Variants in PDHX observed in about 807,000 individuals in gnomAD.
PDHX encodes the protein pyruvate dehydrogenase protein X component, mitochondrial.
A neutral mutation model predicts 55.3 loss-of-function variants in PDHX; 33 were observed. The ratio of observed to expected loss-of-function variants is 0.60; its 90% CI spans 0.45 to 0.80. The LOEUF (loss-of-function observed/expected upper bound fraction) is 0.80. Among genes scored for constraint, PDHX ranks in the 30% least tolerant of loss-of-function variants. The pLI, the probability that PDHX is intolerant of heterozygous loss-of-function variation, is 0.00. For missense variants in PDHX, 622 were observed against 619.9 expected (o/e 1.00, Z -0.04); for synonymous variants, 226 against 219.4 (o/e 1.03, Z -0.27).
rs147746265 is a variant in PDHX, at chr11:34,954,792, A to T, written c.343-2592A>T. 1.1e-4 allele frequency among the ~76,000 whole-genome samples: 16 copies of T among 152,334 alleles called. 2 individuals are homozygous for T. Among genetic ancestry groups the T allele is most frequent in the African/African-American group, 3.6e-4 (15 of 41,578 alleles). On this transcript the variant is annotated intron_variant, in intron 3 of 10. Coordinates refer to ENST00000227868, the MANE Select transcript of PDHX (RefSeq NM_003477.3). ...TATCAGACACTATTCTAAGGGCCTT[A>T]CATATAACTCATTTATTCCTCATAA...
At chr11:34,929,411 A>G (rs925348125) in intron 1 of PDHX, among the ~76,000 whole-genome samples, 2 of 152,092 alleles carry the variant, frequency 1.3e-5, no homozygotes, top group Non-Finnish European at 2.9e-5. Flanking sequence ...TTAAATTTTA[A>G]TAGAGTGGGG....
chr11:34,916,244 C>G, upstream of PDHX: 1 of 1,612,282 alleles, frequency 6.2e-7, no homozygotes, highest in Non-Finnish European at 8.5e-7. Flanking sequence ...GCCGCATCTC[C>G]GGGAACAACA....
chr11:34,938,250 A>G (rs578194461), intron 2 of PDHX, among the ~76,000 whole-genome samples: 1 of 152,326 alleles, frequency 6.6e-6, no homozygotes, highest in African/African-American at 2.4e-5. Context: ...AAAATTATTC[A>G]ATAACCCAAT....
intron 10 of PDHX, among the ~76,000 whole-genome samples, chr11:34,993,857 A>G (rs1855807172): frequency 6.6e-6 from 1 of 152,182 alleles, no homozygotes; most frequent in African/African-American, 2.4e-5. Context: ...AGTATTGAGT[A>G]TTCTAACCTG....
intron 9 of PDHX, among the ~76,000 whole-genome samples, chr11:34,988,010 C>T (rs576940953): frequency 6.6e-6 from 1 of 152,050 alleles, no homozygotes; most frequent in Non-Finnish European, 1.5e-5. Context: ...GTTTGAGTCT[C>T]GTCAGTATTT....
rs550286491 is a variant in PDHX, at chr11:34,951,333, A to G, written c.342+3727A>G. 1.7e-3 allele frequency among the ~76,000 whole-genome samples: 264 copies of G among 152,050 alleles called. 1 individual carries two copies. The highest frequency in any genetic ancestry group is 6.1e-3 in the African/African-American group (252 of 41,434). ...CTCGGCCTCCCAAAGTGCTGGGATTACAAGCGTGAGCCACCGCGCCCGGCC... is the reference window on the plus strand; with the variant it reads ...CTCGGCCTCCCAAAGTGCTGGGATTGCAAGCGTGAGCCACCGCGCCCGGCC... On this transcript the variant is annotated intron_variant, in intron 3 of 10. Transcript: ENST00000227868.
chr11:34,945,204 A>G (rs1040718624), intron 2 of PDHX, among the ~76,000 whole-genome samples: 1 of 152,204 alleles, frequency 6.6e-6, no homozygotes, highest in Non-Finnish European at 1.5e-5. Context: ...AGTTGTTAGC[A>G]TGCCTTACCA....
At chr11:34,957,282 A>C (rs745671853) in intron 3 of PDHX, 102 bp from the exon 4 acceptor site, 31 of 858,426 alleles carry the variant, frequency 3.6e-5, no homozygotes, top group Non-Finnish European at 5.2e-5. Context: ...TTTTAGCTCA[A>C]ATTAAGATAT....
chr11:34,978,084 A>G (rs1234614535), intron 7 of PDHX, 40 bp from the exon 8 acceptor site: 2 of 1,036,646 alleles, frequency 1.9e-6, no homozygotes, highest in Admixed American at 1.7e-5. Context: ...TTAAAGTTAT[A>G]TTAGGAATAC....
intron 2 of PDHX, among the ~76,000 whole-genome samples, chr11:34,931,812 TTGTGTGTGTGTGTGTGTGTG>T (rs35425265): frequency 1.4e-5 from 2 of 146,084 alleles, no homozygotes; most frequent in African/African-American, 5.0e-5. Context: ...TTTATCATGA[TTGTGTGTGTGTGTGTGTGTG>T]TGTGTGTGTG....
At chr11:34,993,262 C>CT (rs1295152755) in intron 10 of PDHX, among the ~76,000 whole-genome samples, 1 of 151,868 alleles carries the variant, frequency 6.6e-6, no homozygotes, top group Non-Finnish European at 1.5e-5. Context: ...CTTTGGGACT[C>CT]TCTCGGTGAT....
intron 5 of PDHX, among the ~76,000 whole-genome samples, chr11:34,964,725 C>T (rs1855089530): frequency 7.1e-6 from 1 of 141,814 alleles, no homozygotes; most frequent in African/African-American, 3.1e-5. Flanking sequence ...TAAAACTAAA[C>T]TGCTTTTTAA....
At chr11:34,994,153 A>G (rs1230981289) in intron 10 of PDHX, among the ~76,000 whole-genome samples, 1 of 152,212 alleles carries the variant, frequency 6.6e-6, no homozygotes, top group African/African-American at 2.4e-5. Flanking sequence ...TGCAAACATC[A>G]TAGAGTGTAC....
intron 2 of PDHX, among the ~76,000 whole-genome samples, chr11:34,942,917 T>C (rs1044812380): frequency 7.9e-5 from 12 of 152,268 alleles, no homozygotes; most frequent in African/African-American, 2.6e-4. Context: ...TGAATAGATA[T>C]AGTTTTTTAA....
Position 34,969,713 on chromosome 11 carries a change from T to A in PDHX, c.817-426T>A, listed in dbSNP as rs553481643. Among the ~76,000 whole-genome samples the A allele has an allele frequency of 5.9e-5, 9 of 152,244 alleles. No individual in the cohort carries two copies. In the East Asian group the frequency reaches 1.7e-3, roughly 29 times the overall value. ...CAGATGGTGTATGTCTATGTCTGTC[T>A]TCTCTCTCCTCTCTCTCTCTGTGTA... On this transcript the variant is annotated intron_variant, in intron 6 of 10. Transcript: ENST00000227868.
chr11:34,939,454 C>T (rs1164043754), intron 2 of PDHX, among the ~76,000 whole-genome samples: 2 of 145,360 alleles, frequency 1.4e-5, no homozygotes, highest in Non-Finnish European at 3.0e-5. Flanking sequence ...TGATTCACAG[C>T]TTCTTTTACT....
intron 3 of PDHX, among the ~76,000 whole-genome samples, chr11:34,949,558 A>G (rs1211592188): frequency 6.6e-6 from 1 of 151,850 alleles, no homozygotes; most frequent in African/African-American, 2.4e-5. Flanking sequence ...ATTTTGATAC[A>G]AAAATACTTC....
upstream of PDHX, chr11:34,916,519 T>TTG (rs1853705576): frequency 1.7e-5 from 25 of 1,437,288 alleles, no homozygotes; most frequent in African/African-American, 5.2e-5. Context: ...CGGGGCTGGG[T>TTG]TGGGGGGCGG....
At chr11:34,980,012 T>G (rs1855473417) in intron 8 of PDHX, among the ~76,000 whole-genome samples, 1 of 151,046 alleles carries the variant, frequency 6.6e-6, no homozygotes, top group South Asian at 2.1e-4. Context: ...TTGGCAGCTT[T>G]CCCTTTTTTT....
Sources: gnomAD v4.1 joint callset for allele counts (sites outside exome capture counted in the v4.1 genomes callset) on GRCh38, gnomAD v4.1.1 for gene constraint, MANE v1.5 for transcripts, NCBI Gene and HGNC (gene_info 2026-07-23, HGNC 2026-07-21) for gene names.